The following KANK3 variants were observed in gnomAD, a reference collection of about 807,000 sequenced individuals.
The protein encoded by KANK3 is KN motif and ankyrin repeat domains 3.
Under a neutral mutation model 65.4 loss-of-function variants are expected in KANK3, and 61 were observed. The observed-to-expected ratio is 0.93, with a 90% CI of 0.76 to 1.15. KANK3 has a LOEUF of 1.15. Among genes scored for constraint, KANK3 ranks in the 50% most tolerant of loss-of-function variants. The pLI is 0.00. For missense variants in KANK3, 1,187 were observed against 1,178.8 expected (o/e 1.01, Z -0.10); for synonymous variants, 586 against 543.3 (o/e 1.08, Z -1.09).
chr19:8,335,965 A>G (rs1970630859), intron 2 of KANK3, among the ~76,000 whole-genome samples, 173 bp from the exon 3 acceptor site: 1 of 152,264 alleles, frequency 6.6e-6, no homozygotes, highest in Non-Finnish European at 1.5e-5. Flanking sequence ...GCAAGTTTCT[A>G]GGCCCGGGGG....
Position 8,335,811 on chromosome 19 carries a change from C to T in KANK3, c.35-19G>A. The T allele has an allele frequency of 1.7e-5, 21 of 1,227,768 alleles. No individual in the cohort carries two copies. The highest frequency in any genetic ancestry group is 2.1e-5 in the Non-Finnish European group (21 of 982,928). The allele number at this position is 1,227,768 out of a possible 1,614,324, so 76.1% of individuals were successfully genotyped here. ...CCCAGGTCTGGAGGCACGACGGGGG[C>T]ACGGGGAGGGCGCATCAGAACGGGG... On this transcript the variant is annotated intron_variant, in intron 2 of 10. Coordinates refer to ENST00000330915, the MANE Select transcript of KANK3 (RefSeq NM_198471.3).
chr19:8,325,296 C>CTTTTTTTTTT (rs573315741), intron 7 of KANK3, among the ~76,000 whole-genome samples, 200 bp from the exon 8 acceptor site: 3,435 of 78,542 alleles, frequency 0.044, 532 homozygotes, highest in Non-Finnish European at 0.052. Flanking sequence ...CCTGTTTCAT[C>CTTTTTTTTTT]TTTTTTTTTT....
At chr19:8,335,881 G>T in intron 2 of KANK3, 89 bp from the exon 3 acceptor site, 1 of 913,228 alleles carries the variant, frequency 1.1e-6, no homozygotes, top group Non-Finnish European at 1.4e-6. Flanking sequence ...CCCCACCCAT[G>T]CCCACGCTTC....
intron 1 of KANK3, among the ~76,000 whole-genome samples, chr19:8,343,006 G>T (rs1313861082): frequency 6.6e-6 from 1 of 152,184 alleles, no homozygotes; most frequent in Non-Finnish European, 1.5e-5. Flanking sequence ...GCGAGAGGGG[G>T]GCAAGCCCAC....
intron 7 of KANK3, among the ~76,000 whole-genome samples, chr19:8,327,234 C>T (rs577176212): frequency 1.3e-5 from 2 of 152,178 alleles, no homozygotes; most frequent in South Asian, 2.1e-4. Context: ...GGCATGGTGA[C>T]TAACGCCTGT....
chr19:8,341,804 T>C (rs1970726115), intron 1 of KANK3, among the ~76,000 whole-genome samples: 1 of 152,192 alleles, frequency 6.6e-6, no homozygotes, highest in Non-Finnish European at 1.5e-5. Flanking sequence ...ACTTATTTTT[T>C]AAAATCCTAG....
chr19:8,337,352 C>T (rs1970659433), intron 2 of KANK3, among the ~76,000 whole-genome samples: 1 of 152,072 alleles, frequency 6.6e-6, no homozygotes, highest in Non-Finnish European at 1.5e-5. Flanking sequence ...TACAGGGGCA[C>T]CACCATGCCC....
At chr19:8,325,759 C>G (rs1024334119) in intron 7 of KANK3, among the ~76,000 whole-genome samples, 4 of 152,144 alleles carry the variant, frequency 2.6e-5, no homozygotes, top group Non-Finnish European at 5.9e-5. Context: ...CATTGCTCCC[C>G]TAAAGAACAG....
Position 8,335,517 on chromosome 19 carries a change from C to G in KANK3, c.310G>C (p.Gly104Arg). Residue 104 changes from glycine to arginine, a missense_variant, in exon 3 of 11, where the codon GGC (glycine) becomes CGC (arginine). Physicochemically the swap from Gly to Arg is moderately radical, Grantham distance 125. This residue lies in a region of KANK3 where 1,078 missense variants were observed against 1,038.2 expected (regional missense o/e 1.04). Transcript: ENST00000330915. The part of the protein sequence containing the change: ...SLASDDGGAP[G>R]ILSQGAPSGL... ...GAGGGCGCGCCCTGGGAGAGTATGCCCGGTGCTCCACCGTCGTCACTGGCC... is the reference window on the plus strand; with the variant it reads ...GAGGGCGCGCCCTGGGAGAGTATGCGCGGTGCTCCACCGTCGTCACTGGCC... The G allele has an allele frequency of 8.1e-7, 1 of 1,230,800 alleles. No homozygotes were observed. Among genetic ancestry groups the G allele is most frequent in the Non-Finnish European group, 1.0e-6 (1 of 979,862 alleles). The allele number at this position is 1,230,800 out of a possible 1,614,324, so 76.2% of individuals were successfully genotyped here.
intron 1 of KANK3, among the ~76,000 whole-genome samples, chr19:8,339,361 G>GTGTT (rs111896090): frequency 7.3e-4 from 101 of 138,936 alleles, no homozygotes; most frequent in East Asian, 4.7e-3. Flanking sequence ...ATCTCTTTTT[G>GTGTT]TTTTTTTTTT....
intron 10 of KANK3, 36 bp from the exon 11 acceptor site, chr19:8,322,958 T>C: frequency 1.7e-6 from 2 of 1,201,828 alleles, no homozygotes; most frequent in Non-Finnish European, 2.3e-6. Context: ...CCTGCTGCAA[T>C]CTCCTTGAGG....
intron 2 of KANK3, among the ~76,000 whole-genome samples, chr19:8,337,132 C>A (rs4999701): frequency 0.16 from 24,018 of 151,238 alleles, 2,159 homozygotes; most frequent in Non-Finnish European, 0.21. Context: ...TCCCAGGTTC[C>A]AGCAATTCTC....
rs369659674 is a variant in KANK3 at position 8,324,744 on chromosome 19, A to G, written c.2169T>C (p.Asn723=). ...ATLLACGADV[N]AQDADGATAL... ...CTGTGGCCCCATCCGCATCCTGCGC[A>G]TTCACATCAGCCCCACACGCCAGTA... The change falls in exon 9 of 11, where the codon AAT becomes AAC. Residue 723 remains asparagine (N), a synonymous_variant. Coordinates refer to ENST00000330915, the MANE Select transcript of KANK3 (RefSeq NM_198471.3). 4.3e-6 allele frequency: 7 copies of G among 1,613,954 alleles called. No homozygotes were observed. The highest frequency in any genetic ancestry group is 2.2e-5 in the South Asian group (2 of 91,096).
chr19:8,324,976 C>T lies in KANK3; in HGVS notation c.2057G>A (p.Gly686Asp). Residue 686 changes from glycine to aspartate, a missense_variant, in exon 8 of 11, where the codon GGT becomes GAT. Around this residue, in one of 3 missense-constraint regions of KANK3, gnomAD observed 1,078 missense variants for 1,038.2 expected, o/e 1.04. Coordinates refer to ENST00000330915, the MANE Select transcript of KANK3 (RefSeq NM_198471.3). The part of the protein sequence containing the change: ...MAVVQRLFCM[G>D]DVNAKASQTG... ...CTGACTGGCCTTGGCATTGACATCA[C>T]CCATGCAGAAGAGTCTCTGGACCAC... is the stretch of plus-strand genomic sequence containing the variant. 6.2e-7 allele frequency: 1 copy of T among 1,613,750 alleles called. No individual in the cohort carries two copies. The highest frequency in any genetic ancestry group is 1.1e-5 in the South Asian group (1 of 91,074).
chr19:8,330,280 G>A (rs1308775439), intron 7 of KANK3, among the ~76,000 whole-genome samples: 1 of 152,106 alleles, frequency 6.6e-6, no homozygotes, highest in Non-Finnish European at 1.5e-5. Flanking sequence ...ACCAGGGGAA[G>A]GTCTGGAGAG....
chr19:8,332,104 G>A (rs3097183), intron 7 of KANK3, among the ~76,000 whole-genome samples: 24,076 of 146,124 alleles, frequency 0.16, 2,186 homozygotes, highest in Non-Finnish European at 0.21. Context: ...AGTAATCCTC[G>A]CACCTCAGCC....
rs1306680146 is a variant in KANK3, at chr19:8,334,013, C to T, written c.1531G>A (p.Gly511Ser). Residue 511 changes from glycine (G) to serine (S), a missense_variant, in exon 5 of 11, where the codon GGC (glycine) becomes AGC (serine). Around this residue, in one of 3 missense-constraint regions of KANK3, gnomAD observed 1,078 missense variants for 1,038.2 expected, o/e 1.04. Coordinates refer to ENST00000330915, the MANE Select transcript of KANK3 (RefSeq NM_198471.3). ...GGGGTGCCCGAGTCGGATCCCCCGC[C>T]GCTGTCATCCCCGGAGCCCGAGGAG... is the stretch of plus-strand genomic sequence containing the variant. ...GSSSGSGDDSGGGSDSGTPGP... is the reference protein window; with the variant it reads ...GSSSGSGDDSSGGSDSGTPGP... 4 of 1,559,326 alleles carry T rather than the reference C, an allele frequency of 2.6e-6. No homozygotes were observed. The highest frequency in any genetic ancestry group is 1.8e-5 in the Admixed American group (1 of 54,636).
intron 2 of KANK3, among the ~76,000 whole-genome samples, chr19:8,336,740 A>AAAC (rs1175613819): frequency 1.3e-4 from 3 of 23,516 alleles, no homozygotes; most frequent in Admixed American, 4.2e-4. Flanking sequence ...ACCCTGTCTC[A>AAAC]AAAAAAAAAA....
Position 8,333,128 on chromosome 19 carries a change from C to T in KANK3, c.1822G>A (p.Gly608Arg). The T allele has an allele frequency of 1.2e-6, 2 of 1,613,084 alleles. No homozygotes were observed. The highest frequency in any genetic ancestry group is 1.7e-6 in the Non-Finnish European group (2 of 1,179,926). ...ACCACGTGCGCCAGCAGTTCGGGTCCCAGGCGCCTCACCCCTTCCAGCATC... is the reference window on the plus strand; with the variant it reads ...ACCACGTGCGCCAGCAGTTCGGGTCTCAGGCGCCTCACCCCTTCCAGCATC... ...ARMLEGVRRL[G>R]PELLAHVVNL... The change falls in exon 7 of 11, where the codon GGA (glycine) becomes AGA (arginine). Residue 608 changes from glycine (G) to arginine (R), a missense_variant. Gly to Arg is a moderately radical substitution (Grantham distance 125). Transcript: ENST00000330915. The surrounding 1 kb of genome is among the most constrained non-coding windows in gnomAD (Gnocchi z 5.0).
Sources: gnomAD v4.1 joint callset for allele counts (sites outside exome capture counted in the v4.1 genomes callset) on GRCh38, gnomAD v4.1.1 for gene constraint, gnomAD v4.1.1 regional missense constraint, Gnocchi (gnomAD v3.1) non-coding constraint, MANE v1.5 for transcripts, NCBI Gene and HGNC (gene_info 2026-07-23, HGNC 2026-07-21) for gene names.